The following CNST variants were observed in gnomAD, a reference collection of about 807,000 sequenced individuals.
CNST encodes consortin, connexin sorting protein.
In CNST, 39 loss-of-function variants were observed where a neutral mutation model predicts 72.4. The observed-to-expected ratio is 0.54, with a 90% CI of 0.42 to 0.70. The LOEUF is 0.70. Among genes scored for constraint, CNST ranks in the 30% least tolerant of loss-of-function variants. The pLI is 0.00. For synonymous variants in CNST, 332 were observed against 320.1 expected (o/e 1.04, Z -0.40); for missense variants, 871 against 868.5 (o/e 1.00, Z -0.04).
At chr1:246,623,320 G>T (rs1169501226) in intron 3 of CNST, among the ~76,000 whole-genome samples, 1 of 152,176 alleles carries the variant, frequency 6.6e-6, no homozygotes, top group Non-Finnish European at 1.5e-5. Flanking sequence ...TTGTCAATGT[G>T]AAAATAAAAT....
intron 2 of CNST, among the ~76,000 whole-genome samples, chr1:246,620,702 T>C (rs1664024138): frequency 8.0e-6 from 1 of 125,036 alleles, no homozygotes; most frequent in African/African-American, 3.2e-5. Context: ...GGAGGACGGC[T>C]TCAGTCGTGG....
At chr1:246,568,491 G>T (rs181635029) in intron 1 of CNST, among the ~76,000 whole-genome samples, 1 of 152,244 alleles carries the variant, frequency 6.6e-6, no homozygotes, top group East Asian at 1.9e-4. Context: ...TTATGATCAG[G>T]ATTTAGACAT....
At chr1:246,602,727 G>A (rs1486675179) in intron 2 of CNST, among the ~76,000 whole-genome samples, 1 of 152,182 alleles carries the variant, frequency 6.6e-6, no homozygotes, top group Admixed American at 6.5e-5. Flanking sequence ...CTTAAAGGAT[G>A]CCAGGAGAAA....
rs1473559909 is a variant in CNST at position 246,647,904 on chromosome 1, A to G, written c.1703A>G (p.Asn568Ser). The G allele has an allele frequency of 1.2e-6, 2 of 1,613,972 alleles. No homozygotes were observed. The highest frequency in any genetic ancestry group is 3.3e-4 in the Middle Eastern group (2 of 6,062). ...DTEDSLSYED[N>S]QDDDSDLLQD... Reference sequence around the variant, plus strand: ...GAAGATTCCCTTTCCTATGAAGATAACCAAGACGACGACTCCGATCTCCTT... The same window carrying G: ...GAAGATTCCCTTTCCTATGAAGATAGCCAAGACGACGACTCCGATCTCCTT... Residue 568 changes from asparagine to serine, a missense_variant, in exon 9 of 11, where the codon AAC becomes AGC. Transcript: ENST00000366513.
rs558788616 is a variant in CNST, at chr1:246,584,443, G to A, written c.-51-7069G>A. ...CGGTGCAGTCAAGAATAAAGAGGGAGCACAAATGAAAATTGGTGTCGAGAT... is the reference window on the plus strand; with the variant it reads ...CGGTGCAGTCAAGAATAAAGAGGGAACACAAATGAAAATTGGTGTCGAGAT... On this transcript the variant is annotated intron_variant, in intron 1 of 10. Transcript: ENST00000366513. 3.3e-5 allele frequency among the ~76,000 whole-genome samples: 5 copies of A among 152,208 alleles called. 1 individual carries two copies. The South Asian group carries it at 1.0e-3, about 32-fold the overall frequency.
intron 10 of CNST, 144 bp downstream of exon 10, chr1:246,660,478 C>A (rs930342303): frequency 2.4e-5 from 19 of 791,570 alleles, no homozygotes; most frequent in Non-Finnish European, 3.1e-5. Flanking sequence ...GTAATCCCAG[C>A]ACTTTAGGAG....
chr1:246,654,025 A>G (rs1666637341), intron 9 of CNST, among the ~76,000 whole-genome samples: 1 of 152,218 alleles, frequency 6.6e-6, no homozygotes, highest in Admixed American at 6.5e-5. Flanking sequence ...TTGATCGAAC[A>G]CACGGACTGT....
In CNST at chr1:246,605,507, G is replaced by A. The variant is rs188642480; in HGVS notation, c.379+13566G>A. ...CTGTTTTAATGCGCGCCTGGGTGCA[G>A]ACGGGCTGAGGCCTAAAATGGCGTC... On this transcript the variant is annotated intron_variant, in intron 2 of 10. Transcript: ENST00000366513. Among the ~76,000 whole-genome samples, 4 of 152,340 alleles carry A rather than the reference G, an allele frequency of 2.6e-5. No individual in the cohort carries two copies. In the East Asian group the frequency reaches 7.7e-4, roughly 29 times the overall value.
chr1:246,605,626 C>T (rs934012076), intron 2 of CNST, among the ~76,000 whole-genome samples: 1 of 148,526 alleles, frequency 6.7e-6, no homozygotes, highest in African/African-American at 2.6e-5. Flanking sequence ...CCTGGATGGC[C>T]TCTCTGTCTA....
chr1:246,664,552 G>C (rs1379933994), intron 10 of CNST, among the ~76,000 whole-genome samples: 1 of 151,912 alleles, frequency 6.6e-6, no homozygotes, highest in Non-Finnish European at 1.5e-5. Flanking sequence ...TCAGCCTCCT[G>C]AGTAGCTGAG....
intron 2 of CNST, among the ~76,000 whole-genome samples, chr1:246,595,749 T>C (rs532223024): frequency 1.5e-4 from 23 of 151,108 alleles, no homozygotes; most frequent in African/African-American, 3.6e-4. Context: ...AATATAAAAA[T>C]AAAGAAAAAA....
rs144059748 is a variant in CNST, at chr1:246,577,283, G to C, written c.-52+10620G>C. On this transcript the variant is annotated intron_variant, in intron 1 of 10. Transcript: ENST00000366513. ...TGTTATGACTTTGTTGTTCTCACCT[G>C]TCCTCCATACCGCCCCACCACAGCG... 4.4e-3 allele frequency among the ~76,000 whole-genome samples: 668 copies of C among 152,058 alleles called. 10 individuals carry two copies. The highest frequency in any genetic ancestry group is 0.016 in the African/African-American group (642 of 41,362).
chr1:246,599,236 A>G (rs1437000130), intron 2 of CNST, among the ~76,000 whole-genome samples: 1 of 152,162 alleles, frequency 6.6e-6, no homozygotes, highest in Non-Finnish European at 1.5e-5. Context: ...TACTGGAACA[A>G]GTTATCACAA....
At chr1:246,619,840 G>A (rs1037228455) in intron 2 of CNST, among the ~76,000 whole-genome samples, 7 of 151,146 alleles carry the variant, frequency 4.6e-5, no homozygotes, top group East Asian at 1.9e-4. Context: ...CAGGGAGGAC[G>A]GCTTCAGTCA....
At chr1:246,628,152 A>G (rs1385222694) in intron 3 of CNST, among the ~76,000 whole-genome samples, 1 of 152,098 alleles carries the variant, frequency 6.6e-6, no homozygotes, top group Non-Finnish European at 1.5e-5. Flanking sequence ...ATTCCCTGGC[A>G]GCTGATTAGA....
intron 2 of CNST, among the ~76,000 whole-genome samples, chr1:246,597,647 C>G (rs1481265114): frequency 6.6e-6 from 1 of 152,164 alleles, no homozygotes; most frequent in East Asian, 1.9e-4. Flanking sequence ...TCTCTGGAGG[C>G]CTTCACAGTG....
chr1:246,638,423 C>T (rs1454556757), intron 6 of CNST, among the ~76,000 whole-genome samples: 1 of 152,164 alleles, frequency 6.6e-6, no homozygotes, highest in African/African-American at 2.4e-5. Flanking sequence ...AGGAGCTGGG[C>T]AGCCTGAAGG....
At chr1:246,664,591 TG>T (rs1667293712) in intron 10 of CNST, among the ~76,000 whole-genome samples, 7 of 152,036 alleles carry the variant, frequency 4.6e-5, no homozygotes. Context: ...CACGCCCAGC[TG>T]ATTTTTTATA....
At chr1:246,664,659 C>T (rs1450713559) in intron 10 of CNST, among the ~76,000 whole-genome samples, 1 of 151,914 alleles carries the variant, frequency 6.6e-6, no homozygotes, top group Admixed American at 6.6e-5. Flanking sequence ...ATCTCCTGAC[C>T]TCGTGATCCG....
Sources: allele counts gnomAD v4.1 joint callset (sites outside exome capture counted in the v4.1 genomes callset), GRCh38; gene constraint gnomAD v4.1.1; transcripts MANE v1.5; gene names NCBI Gene and HGNC (gene_info 2026-07-23, HGNC 2026-07-21).